FBXO34: variants seen among roughly 807,000 people sequenced by gnomAD.
FBXO34 encodes the protein F-box only protein 34.
Under a neutral mutation model 24.5 loss-of-function variants are expected in FBXO34, and 12 were observed. The observed-to-expected ratio is 0.49, with a 90% CI of 0.31 to 0.79. FBXO34 has a LOEUF of 0.79. FBXO34 is among the 30% of genes least tolerant of loss of function. FBXO34 has a pLI of 0.04. For synonymous variants in FBXO34, 320 were observed against 311.9 expected (o/e 1.03, Z -0.27); for missense variants, 823 against 857.7 (o/e 0.96, Z 0.51).
intron 1 of FBXO34, among the ~76,000 whole-genome samples, chr14:55,331,768 TATATATATATACCACCATG>T (rs1883580258): frequency 4.0e-5 from 3 of 75,486 alleles, no homozygotes; most frequent in African/African-American, 1.9e-4. Context: ...TATGTATATA[TATATATATATACCACCATG>T]GTGTATATAT....
chr14:55,413,789 G>T, the FBXO34 span: 11 of 341,042 alleles, frequency 3.2e-5, no homozygotes, highest in South Asian at 2.7e-4. Flanking sequence ...GACCAGCCTG[G>T]CTCAGTAAGC....
chr14:55,334,932 A>C (rs1449060140), intron 1 of FBXO34, among the ~76,000 whole-genome samples: 1 of 152,152 alleles, frequency 6.6e-6, no homozygotes, highest in African/African-American at 2.4e-5. Flanking sequence ...TGGTAGAACA[A>C]ACTCTTCCTT....
At chr14:55,364,537 G>A (rs542042824), downstream of FBXO34, among the ~76,000 whole-genome samples, 3 of 151,956 alleles carry the variant, frequency 2.0e-5, no homozygotes, top group East Asian at 3.9e-4. Flanking sequence ...TGATTCTCCC[G>A]CCTCAGCCTC....
chr14:55,385,469 T>G, the FBXO34 span, among the ~76,000 whole-genome samples: 23 of 152,316 alleles, frequency 1.5e-4, no homozygotes, highest in African/African-American at 4.8e-4. Context: ...ATTTTTGTAT[T>G]TTTAGTAGAG....
chr14:55,427,880 C>CT, the FBXO34 span, among the ~76,000 whole-genome samples: 3,848 of 130,870 alleles, frequency 0.029, 111 homozygotes, highest in African/African-American at 0.061. Flanking sequence ...GTTAGGATTG[C>CT]TTTTTTTTTT....
At chr14:55,291,981 A>G (rs1881959011) in intron 1 of FBXO34, among the ~76,000 whole-genome samples, 1 of 151,922 alleles carries the variant, frequency 6.6e-6, no homozygotes, top group Non-Finnish European at 1.5e-5. Context: ...AAAAGAAAAA[A>G]AATCAATTCA....
the FBXO34 span, among the ~76,000 whole-genome samples, chr14:55,402,970 A>ATATATATATATATATAT: frequency 3.6e-4 from 25 of 69,478 alleles, no homozygotes; most frequent in South Asian, 1.3e-3. Context: ...TATATATATA[A>ATATATATATATATATAT]ATAGCTGGGC....
intron 1 of FBXO34, among the ~76,000 whole-genome samples, chr14:55,275,213 C>T (rs1881292830): frequency 6.6e-6 from 1 of 152,298 alleles, no homozygotes; most frequent in East Asian, 1.9e-4. Context: ...TAATGCTCCA[C>T]AGAAGAGGCT....
chr14:55,374,668 A>C (rs554563071), downstream of FBXO34, among the ~76,000 whole-genome samples: 1 of 152,274 alleles, frequency 6.6e-6, no homozygotes, highest in South Asian at 2.1e-4. Context: ...TTTTTAAATA[A>C]GGTTTTTTAT....
the FBXO34 span, chr14:55,385,794 G>A: frequency 7.7e-7 from 1 of 1,304,806 alleles, no homozygotes; most frequent in South Asian, 1.4e-5. Flanking sequence ...ATAAGGTAAT[G>A]ACATACTTTA....
downstream of FBXO34, among the ~76,000 whole-genome samples, chr14:55,354,228 A>G (rs1379732657): frequency 1.3e-5 from 2 of 152,344 alleles, no homozygotes; most frequent in African/African-American, 4.8e-5. Flanking sequence ...CAGGTGAGGC[A>G]TGTTGGAAAA....
chr14:55,355,728 C>A (rs1884512841), downstream of FBXO34, among the ~76,000 whole-genome samples: 1 of 152,236 alleles, frequency 6.6e-6, no homozygotes, highest in African/African-American at 2.4e-5. Context: ...AGCTTGCCCA[C>A]CCACTGCACT....
chr14:55,408,823 A>G, the FBXO34 span, among the ~76,000 whole-genome samples: 1 of 152,234 alleles, frequency 6.6e-6, no homozygotes, highest in East Asian at 1.9e-4. Flanking sequence ...CTTGGAATCA[A>G]TTCAAGGGAG....
chr14:55,374,738 T>C (rs1394627475), downstream of FBXO34, among the ~76,000 whole-genome samples: 1 of 152,198 alleles, frequency 6.6e-6, no homozygotes, highest in Non-Finnish European at 1.5e-5. Context: ...TTCCCCCATA[T>C]GAATACCCAA....
At chr14:55,374,818 T>C (rs563313622), downstream of FBXO34, among the ~76,000 whole-genome samples, 1 of 152,230 alleles carries the variant, frequency 6.6e-6, no homozygotes, top group Non-Finnish European at 1.5e-5. Flanking sequence ...TTTCCACATA[T>C]ACAAGAGTCT....
the FBXO34 span, among the ~76,000 whole-genome samples, chr14:55,377,117 CG>C: frequency 6.6e-6 from 1 of 152,084 alleles, no homozygotes; most frequent in Admixed American, 6.5e-5. Context: ...GAAGCCGAAG[CG>C]GGTGGATCAC....
At chr14:55,341,878 CTG>C (rs1884005470) in intron 1 of FBXO34, among the ~76,000 whole-genome samples, 1 of 152,114 alleles carries the variant, frequency 6.6e-6, no homozygotes, top group Admixed American at 6.5e-5. Flanking sequence ...TGTCTCTATC[CTG>C]AAGTGTTATT....
intron 1 of FBXO34, among the ~76,000 whole-genome samples, chr14:55,321,076 A>C (rs543149027): frequency 6.6e-6 from 1 of 152,196 alleles, no homozygotes; most frequent in South Asian, 2.1e-4. Flanking sequence ...GAATTCCTTC[A>C]TTCAGAGACT....
the FBXO34 span, among the ~76,000 whole-genome samples, chr14:55,402,237 G>A: frequency 2.0e-5 from 3 of 152,068 alleles, no homozygotes; most frequent in African/African-American, 7.2e-5. Flanking sequence ...CCCTCCACCT[G>A]CCTGTCTAGT....
Sources: gnomAD v4.1 joint callset for allele counts (sites outside exome capture counted in the v4.1 genomes callset) on GRCh38, gnomAD v4.1.1 for gene constraint, MANE v1.5 for transcripts, NCBI Gene and HGNC (gene_info 2026-07-23, HGNC 2026-07-21) for gene names.